ALOXE3: variants seen among roughly 807,000 people sequenced by gnomAD.
ALOXE3 encodes arachidonate epidermal lipoxygenase 3.
In ALOXE3, 78 loss-of-function variants were observed where a neutral mutation model predicts 87.5. The ratio of observed to expected loss-of-function variants is 0.89; its 90% CI spans 0.74 to 1.08. The LOEUF is 1.08. ALOXE3 is among the 50% of genes least tolerant of loss of function. The pLI is 0.00. For synonymous variants in ALOXE3, 363 were observed against 370.8 expected (o/e 0.98, Z 0.24); for missense variants, 946 against 912.4 (o/e 1.04, Z -0.47).
chr17:8,101,220 G>T (rs1030438665), intron 15 of ALOXE3, among the ~76,000 whole-genome samples: 8 of 151,964 alleles, frequency 5.3e-5, no homozygotes, highest in African/African-American at 1.9e-4. Flanking sequence ...AGAGATGGGG[G>T]TTTCACCATG....
At position 8,112,079 on chromosome 17, in the gene ALOXE3, C is replaced by T; in HGVS notation, c.784+14G>A. The T allele has an allele frequency of 6.2e-7, 1 of 1,610,782 alleles. No individual in the cohort carries two copies. Among genetic ancestry groups the T allele is most frequent in the Non-Finnish European group, 8.5e-7 (1 of 1,176,988 alleles). On this transcript the variant is annotated intron_variant, in intron 7 of 15. Coordinates refer to ENST00000448843, the MANE Select transcript of ALOXE3 (RefSeq NM_021628.3). ...AAGGTGAGGGGTAGACATCTCCTGC[C>T]TGGCTCTGCTCACTTGTCGTGAAGG...
rs1980520281 is a variant in ALOXE3, at chr17:8,115,670, T to C, written c.371A>G (p.Asp124Gly). 6.2e-7 allele frequency: 1 copy of C among 1,613,430 alleles called. No homozygotes were observed. Among genetic ancestry groups the C allele is most frequent in the Non-Finnish European group, 8.5e-7 (1 of 1,179,534 alleles). ...GTGATCCAGGAGGAGGGGAAGAGAG[T>C]CCTGACAAATAGTTCTTGCTGTGGG... is the stretch of plus-strand genomic sequence containing the variant. ...RPGTARTICQ[D>G]SLPLLLDHRT... Residue 124 changes from aspartate to glycine, a missense_variant, in exon 4 of 16, where the codon GAC (aspartate) becomes GGC (glycine). By Grantham distance (94) the Asp-to-Gly change is moderately conservative (BLOSUM62 -1). Transcript: ENST00000448843.
At chr17:8,100,068 C>A (rs1157010398) in intron 15 of ALOXE3, among the ~76,000 whole-genome samples, 2 of 137,616 alleles carry the variant, frequency 1.5e-5, no homozygotes, top group Non-Finnish European at 3.1e-5. Flanking sequence ...GTTGACCAGG[C>A]TTTTTTTCAG....
intron 5 of ALOXE3, 107 bp downstream of exon 5, chr17:8,114,831 C>T: frequency 1.3e-6 from 2 of 1,541,360 alleles, no homozygotes; most frequent in South Asian, 2.2e-5. Context: ...AATGAAACTG[C>T]ATTGTCATAG....
At chr17:8,101,665 G>GTTTTTT (rs1166148404) in intron 15 of ALOXE3, among the ~76,000 whole-genome samples, 1 of 151,500 alleles carries the variant, frequency 6.6e-6, no homozygotes, top group Non-Finnish European at 1.5e-5. Flanking sequence ...TTTGTTTTTT[G>GTTTTTT]TTTTTGTGTC....
intron 15 of ALOXE3, among the ~76,000 whole-genome samples, chr17:8,099,624 G>A (rs1340409762): frequency 6.6e-6 from 1 of 150,764 alleles, no homozygotes; most frequent in South Asian, 2.1e-4. Context: ...CCGCGCCACT[G>A]CACTCTAGCC....
At chr17:8,105,388 C>G (rs1349312751) in intron 13 of ALOXE3, among the ~76,000 whole-genome samples, 2 of 152,176 alleles carry the variant, frequency 1.3e-5, no homozygotes, top group African/African-American at 4.8e-5. Flanking sequence ...AGAGGCCTGC[C>G]CTGGCCACCT....
intron 6 of ALOXE3, among the ~76,000 whole-genome samples, chr17:8,112,479 C>A (rs3027212): frequency 9.2e-5 from 14 of 151,920 alleles, no homozygotes; most frequent in African/African-American, 1.7e-4. Flanking sequence ...GTGTTTTGGC[C>A]TGTATTCTCC....
chr17:8,113,776 C>T (rs1243815238), intron 6 of ALOXE3, among the ~76,000 whole-genome samples: 1 of 152,140 alleles, frequency 6.6e-6, no homozygotes, highest in African/African-American at 2.4e-5. Context: ...CCTGTAATCC[C>T]AGCACTTTGG....
Position 8,109,906 on chromosome 17 carries a change from G to T in ALOXE3, c.1392+10C>A. ...GGGCGGAGATCAGTGACCCGGCAGG[G>T]AGGCCGCACCTGGTCCACGAGGCCC... On this transcript the variant is annotated intron_variant, in intron 11 of 15. Coordinates refer to ENST00000448843, the MANE Select transcript of ALOXE3 (RefSeq NM_021628.3). The T allele has an allele frequency of 6.5e-7, 1 of 1,548,734 alleles. No individual in the cohort carries two copies.
chr17:8,096,617 T>G lies in ALOXE3; in HGVS notation c.*10A>C. 1 of 1,182,112 alleles carries G rather than the reference T, an allele frequency of 8.5e-7. No individual in the cohort carries two copies. The highest frequency in any genetic ancestry group is 1.3e-6 in the Non-Finnish European group (1 of 785,878). 73.2% of individuals were successfully genotyped at this position (1,182,112 alleles called of 1,614,324 possible). A position where few individuals can be genotyped will look rare whatever the true frequency, so the allele number is the denominator to read the frequency against. ...ACCTTTCTTTCTTCTTGGGTGGTAT[T>G]TGGGGGTGGTTAGATGGAGACGCTG... On this transcript the variant is annotated 3_prime_UTR_variant, in exon 16 of 16. Coordinates refer to ENST00000448843, the MANE Select transcript of ALOXE3 (RefSeq NM_021628.3).
chr17:8,105,948 G>T (rs1314619681), intron 13 of ALOXE3, among the ~76,000 whole-genome samples: 1 of 149,284 alleles, frequency 6.7e-6, no homozygotes, highest in African/African-American at 2.5e-5. Flanking sequence ...GCCAGAGTAG[G>T]AAGGCACGGG....
chr17:8,111,976 C>G, intron 7 of ALOXE3, 117 bp downstream of exon 7: 1 of 961,206 alleles, frequency 1.0e-6, no homozygotes, highest in East Asian at 2.4e-5. Context: ...CCCTCCCACT[C>G]AAATCCAGCA....
intron 13 of ALOXE3, among the ~76,000 whole-genome samples, chr17:8,106,262 G>C (rs527828344): frequency 1.3e-5 from 2 of 152,276 alleles, no homozygotes; most frequent in South Asian, 4.1e-4. Context: ...TTTGGAGTCA[G>C]GCTGACTGGA....
chr17:8,110,077 C>G lies in ALOXE3; in HGVS notation c.1305+15G>C, dbSNP rs764522136. 1.4e-6 allele frequency: 2 copies of G among 1,472,410 alleles called. No individual in the cohort carries two copies. The highest frequency in any genetic ancestry group is 2.3e-5 in the African/African-American group (1 of 43,144). The allele number at this position is 1,472,410 out of a possible 1,614,324, so 91.2% of individuals were successfully genotyped here. ...CGGCCCCTGCCCCGCTGGGCCCCCA[C>G]CCGGGGTCGCGGACCTTGTAGATGG... On this transcript the variant is annotated intron_variant, in intron 10 of 15. Coordinates refer to ENST00000448843, the MANE Select transcript of ALOXE3 (RefSeq NM_021628.3).
Position 8,117,842 on chromosome 17 carries a change from AC to A in ALOXE3, c.147+1del. The A allele has an allele frequency of 6.2e-7, 1 of 1,610,070 alleles. No homozygotes were observed. The highest frequency in any genetic ancestry group is 1.1e-5 in the South Asian group (1 of 90,518). ...GCGCTTCCCTGTCTCCTTTGTACTC[AC>A]CGATCCAGGGGCGAAGTCCCTGCCC... On this transcript the variant is annotated splice_donor_variant, in intron 2 of 15. Coordinates refer to ENST00000448843, the MANE Select transcript of ALOXE3 (RefSeq NM_021628.3). LOFTEE classifies it high-confidence loss of function.
chr17:8,096,480 C>T lies in ALOXE3; in HGVS notation c.*147G>A. The T allele has an allele frequency of 1.4e-6, 1 of 692,796 alleles. No individual in the cohort carries two copies. The highest frequency in any genetic ancestry group is 1.7e-5 in the South Asian group (1 of 60,382). The allele number at this position is 692,796 out of a possible 1,614,324, so 42.9% of individuals were successfully genotyped here. Reference sequence around the variant, plus strand: ...GGGCCCAGTTTGTATGATGTCAGAGCCATCTTGGCTGCAAAAGTCTCCATG... The same window carrying T: ...GGGCCCAGTTTGTATGATGTCAGAGTCATCTTGGCTGCAAAAGTCTCCATG... On this transcript the variant is annotated 3_prime_UTR_variant, in exon 16 of 16. Coordinates refer to ENST00000448843, the MANE Select transcript of ALOXE3 (RefSeq NM_021628.3).
intron 15 of ALOXE3, among the ~76,000 whole-genome samples, chr17:8,102,538 G>T (rs1334001744): frequency 6.6e-6 from 1 of 152,102 alleles, no homozygotes. Flanking sequence ...TCTTCTAAAC[G>T]AACACTGTGC....
chr17:8,109,825 G>C (rs993339774), intron 11 of ALOXE3, 91 bp downstream of exon 11: 2 of 1,352,922 alleles, frequency 1.5e-6, no homozygotes, highest in Non-Finnish European at 2.0e-6. Context: ...GTCCTCACAA[G>C]GGGCTTGGGC....
Sources: gnomAD v4.1 joint callset for allele counts (sites outside exome capture counted in the v4.1 genomes callset) on GRCh38, gnomAD v4.1.1 for gene constraint, MANE v1.5 for transcripts, NCBI Gene and HGNC (gene_info 2026-07-23, HGNC 2026-07-21) for gene names.